CACNB2: variants seen among roughly 807,000 people sequenced by gnomAD.
The protein encoded by CACNB2 is voltage-dependent L-type calcium channel subunit beta-2.
CACNB2 carries 42 observed loss-of-function variants against 73.3 expected under a neutral mutation model. The observed-to-expected ratio is 0.57, with a 90% CI of 0.45 to 0.74. The LOEUF is 0.74. Among genes scored for constraint, CACNB2 ranks in the 30% least tolerant of loss-of-function variants. The probability of loss-of-function intolerance (pLI) is 0.00; values close to 1 mark genes in which losing one functional copy is unlikely to be tolerated. For missense variants in CACNB2, 940 were observed against 853.0 expected (o/e 1.10, Z -1.27); for synonymous variants, 348 against 310.3 (o/e 1.12, Z -1.28).
In CACNB2 at chr10:18,324,107, T is replaced by C. The variant is rs2040492405; in HGVS notation, c.214-77817T>C. On this transcript the variant is annotated intron_variant, in intron 2 of 13. Coordinates refer to ENST00000324631, the MANE Select transcript of CACNB2 (RefSeq NM_201596.3). ...TTTGATGATACACTTGCAAGGAATT[T>C]AAAAAATCATTCATTCACTCATCTG... Among the ~76,000 whole-genome samples the C allele has an allele frequency of 2.0e-5, 3 of 152,210 alleles. No homozygotes were observed. In the South Asian group the frequency reaches 6.2e-4, roughly 31 times the overall value.
intron 2 of CACNB2, among the ~76,000 whole-genome samples, chr10:18,347,448 C>T (rs1280464863): frequency 1.3e-5 from 2 of 150,402 alleles, no homozygotes; most frequent in Non-Finnish European, 2.9e-5. Context: ...ACCTTGGCCT[C>T]TCAAAGTGCT....
At chr10:18,512,952 T>C (rs778810388) in intron 6 of CACNB2, among the ~76,000 whole-genome samples, 2 of 152,178 alleles carry the variant, frequency 1.3e-5, no homozygotes, top group Non-Finnish European at 2.9e-5. Flanking sequence ...TGGGCCCTTT[T>C]TGTTGACCGA....
intron 3 of CACNB2, among the ~76,000 whole-genome samples, chr10:18,477,353 C>G (rs2048492441): frequency 6.6e-6 from 1 of 152,182 alleles, no homozygotes; most frequent in Non-Finnish European, 1.5e-5. Context: ...TGCTGAACTC[C>G]CATGAATAAG....
intron 2 of CACNB2, among the ~76,000 whole-genome samples, chr10:18,322,000 T>C (rs1319687318): frequency 6.6e-6 from 1 of 151,876 alleles, no homozygotes; most frequent in Non-Finnish European, 1.5e-5. Flanking sequence ...AAAAAATTAT[T>C]AAAAAATTAG....
At chr10:18,197,818 A>C (rs2034693578) in intron 2 of CACNB2, among the ~76,000 whole-genome samples, 1 of 151,914 alleles carries the variant, frequency 6.6e-6, no homozygotes, top group Non-Finnish European at 1.5e-5. Flanking sequence ...CTTATGAAGG[A>C]TGGGTGGACA....
intron 2 of CACNB2, among the ~76,000 whole-genome samples, chr10:18,339,860 C>G (rs2041161888): frequency 6.6e-6 from 1 of 152,112 alleles, no homozygotes; most frequent in Admixed American, 6.5e-5. Context: ...GTAGGTTATA[C>G]AAAACAGGTG....
chr10:18,340,664 T>G, intron 2 of CACNB2: 1 of 1,373,452 alleles, frequency 7.3e-7, no homozygotes, highest in Non-Finnish European at 9.4e-7. Context: ...AATAAGACCC[T>G]CCCACTTGCG....
In CACNB2 at chr10:18,140,652, G is replaced by A. The variant is rs970088934; in HGVS notation, c.-85G>A. On this transcript the variant is annotated 5_prime_UTR_variant, in exon 1 of 14. Transcript: ENST00000324631. ...TGAGCCCTGGGCGGCCCCCAGAGCC[G>A]ATCAGAGCGCGGGGAGGCGGGGGCG... is the stretch of plus-strand genomic sequence containing the variant. The A allele has an allele frequency of 7.9e-7, 1 of 1,266,094 alleles. No individual in the cohort carries two copies. The highest frequency in any genetic ancestry group is 2.5e-5 in the East Asian group (1 of 40,372). 78.4% of individuals were successfully genotyped at this position (1,266,094 alleles called of 1,614,324 possible). A position where few individuals can be genotyped will look rare whatever the true frequency, so the allele number is the denominator to read the frequency against.
chr10:18,519,097 A>C, intron 9 of CACNB2, 129 bp downstream of exon 9: 1 of 794,016 alleles, frequency 1.3e-6, no homozygotes, highest in Admixed American at 1.8e-5. Flanking sequence ...AACAAGTTTC[A>C]CTCAATTTAA....
At chr10:18,382,451 G>T (rs1393789940) in intron 2 of CACNB2, among the ~76,000 whole-genome samples, 1 of 152,054 alleles carries the variant, frequency 6.6e-6, no homozygotes, top group Non-Finnish European at 1.5e-5. Flanking sequence ...GTAAATGTGT[G>T]CCATGGTGGT....
chr10:18,457,979 C>T (rs1371854320), intron 3 of CACNB2, among the ~76,000 whole-genome samples: 6 of 152,106 alleles, frequency 3.9e-5, no homozygotes, highest in African/African-American at 1.4e-4. Context: ...TTGTTCTCAA[C>T]ACAGCTAATT....
At chr10:18,248,211 G>A (rs753051646) in intron 2 of CACNB2, among the ~76,000 whole-genome samples, 1 of 152,298 alleles carries the variant, frequency 6.6e-6, no homozygotes, top group East Asian at 1.9e-4. Context: ...GCTGATGTTA[G>A]GACCCAAATG....
In CACNB2 at chr10:18,536,130, G is replaced by T; in HGVS notation, c.1236G>T (p.Gly412=). 1.2e-6 allele frequency: 2 copies of T among 1,610,176 alleles called. No individual in the cohort carries two copies. Among genetic ancestry groups the T allele is most frequent in the Non-Finnish European group, 1.7e-6 (2 of 1,177,512 alleles). The change falls in exon 12 of 14, where the codon GGG becomes GGT. Residue 412 remains glycine (G), a synonymous_variant. Coordinates refer to ENST00000324631, the MANE Select transcript of CACNB2 (RefSeq NM_201596.3). The stretch of plus-strand genomic sequence containing the variant: ...TACAAAGGTTAATAAAATCTCGAGG[G>T]AAATCTCAAGCTAAACACCTCAACG... The part of the protein sequence containing the change: ...KVLQRLIKSR[G]KSQAKHLNVQ...
Position 18,539,910 on chromosome 10 carries a change from A to T in CACNB2, c.*186A>T, listed in dbSNP as rs2053976864. ...AGTATTGAGATACTTTTTCTTTTGT[A>T]AGTGCTACATAAATTGGCCTGGTAT... On this transcript the variant is annotated 3_prime_UTR_variant, in exon 14 of 14. Transcript: ENST00000324631. 2 of 683,552 alleles carry T rather than the reference A, an allele frequency of 2.9e-6. No individual in the cohort carries two copies. Among genetic ancestry groups the T allele is most frequent in the Admixed American group, 6.3e-5 (2 of 31,986 alleles). 42.3% of individuals were successfully genotyped at this position (683,552 alleles called of 1,614,324 possible). A position where few individuals can be genotyped will look rare whatever the true frequency, so the allele number is the denominator to read the frequency against.
At chr10:18,397,093 G>A (rs77636580) in intron 2 of CACNB2, among the ~76,000 whole-genome samples, 1 of 152,186 alleles carries the variant, frequency 6.6e-6, no homozygotes, top group African/African-American at 2.4e-5. Context: ...CCAAAATACT[G>A]ATGCTGAAAA....
intron 2 of CACNB2, among the ~76,000 whole-genome samples, chr10:18,302,808 C>T (rs1052033909): frequency 3.9e-5 from 6 of 152,130 alleles, no homozygotes; most frequent in African/African-American, 1.2e-4. Context: ...ACTAAAGAAA[C>T]TTACTCATGT....
At chr10:18,237,847 A>G (rs1009501866) in intron 2 of CACNB2, among the ~76,000 whole-genome samples, 3 of 152,198 alleles carry the variant, frequency 2.0e-5, no homozygotes, top group Non-Finnish European at 4.4e-5. Flanking sequence ...GTGTTCTGGA[A>G]TGATGGTAGA....
rs1308061563 is a variant in CACNB2, at chr10:18,428,751, T to C, written c.333+26708T>C. Reference sequence around the variant, plus strand: ...ATTTTAATCAGGTTTTTACCCTTTATTAGTTTGGAAGTTACACATTATAGT... The same window carrying C: ...ATTTTAATCAGGTTTTTACCCTTTACTAGTTTGGAAGTTACACATTATAGT... On this transcript the variant is annotated intron_variant, in intron 3 of 13. Transcript: ENST00000324631. Among the ~76,000 whole-genome samples, 7 of 152,082 alleles carry C rather than the reference T, an allele frequency of 4.6e-5. 1 individual carries two copies. The highest frequency in any genetic ancestry group is 3.3e-4 in the Admixed American group (5 of 15,272).
intron 3 of CACNB2, among the ~76,000 whole-genome samples, chr10:18,456,436 C>T (rs922588812): frequency 6.6e-6 from 1 of 152,106 alleles, no homozygotes; most frequent in South Asian, 2.1e-4. Context: ...TACACTCCAG[C>T]CTGGATGACA....
Sources: allele counts gnomAD v4.1 joint callset (sites outside exome capture counted in the v4.1 genomes callset), GRCh38; gene constraint gnomAD v4.1.1; transcripts MANE v1.5; gene names NCBI Gene and HGNC (gene_info 2026-07-23, HGNC 2026-07-21).